Variants in RALGAPB observed in about 807,000 individuals in gnomAD.
The protein encoded by RALGAPB is Ral GTPase activating protein non-catalytic subunit beta, also known as ral GTPase-activating protein subunit beta.
Under a neutral mutation model 161.1 loss-of-function variants are expected in RALGAPB, and 25 were observed. The observed-to-expected ratio is 0.16, with a 90% CI of 0.11 to 0.22. The LOEUF (loss-of-function observed/expected upper bound fraction) is 0.22, where lower values mean the gene tolerates loss of function less well. Ranked by LOEUF, RALGAPB falls within the 10% of genes least tolerant of loss-of-function variation. The pLI is 1.00. For synonymous variants in RALGAPB, 629 were observed against 626.1 expected (o/e 1.00, Z -0.07); for missense variants, 1,391 against 1,815.2 (o/e 0.77, Z 4.25).
chr20:38,509,844 A>G (rs1301098312), intron 6 of RALGAPB, among the ~76,000 whole-genome samples: 3 of 151,670 alleles, frequency 2.0e-5, no homozygotes, highest in African/African-American at 7.3e-5. Flanking sequence ...TAATTTTTCT[A>G]TTTTGTGTAT....
At position 38,565,453 on chromosome 20, in the gene RALGAPB, G is replaced by C. The variant is rs760784590; in HGVS notation, c.3792G>C (p.Val1264=). 6.2e-7 allele frequency: 1 copy of C among 1,613,470 alleles called. No homozygotes were observed. The highest frequency in any genetic ancestry group is 8.5e-7 in the Non-Finnish European group (1 of 1,179,650). The change falls in exon 25 of 30, where the codon GTG becomes GTC. Residue 1264 remains valine (V), a synonymous_variant. Transcript: ENST00000262879. The part of the protein sequence containing the change: ...YADALTEIAF[V]VPSPVESLTD... ...ATGCCCTTACAGAAATTGCTTTTGT[G>C]GTTCCTTCTCCTGTGGAGTCCTTAA...
intron 1 of RALGAPB, among the ~76,000 whole-genome samples, chr20:38,481,896 A>G (rs1422496639): frequency 6.6e-6 from 1 of 152,234 alleles, no homozygotes; most frequent in Non-Finnish European, 1.5e-5. Context: ...TATGACATAA[A>G]GATGTAGTAA....
intron 4 of RALGAPB, among the ~76,000 whole-genome samples, chr20:38,498,069 C>CAAA (rs11481813): frequency 5.7e-5 from 7 of 123,814 alleles, no homozygotes; most frequent in Admixed American, 1.6e-4. Context: ...GACTCTGTCT[C>CAAA]AAAAAAAAAA....
intron 25 of RALGAPB, among the ~76,000 whole-genome samples, chr20:38,566,831 C>G (rs1440217802): frequency 3.3e-5 from 5 of 152,162 alleles, no homozygotes; most frequent in African/African-American, 1.2e-4. Context: ...GTGGCACAAG[C>G]CAAATGCCGC....
chr20:38,501,444 T>G (rs1002346555), intron 5 of RALGAPB, among the ~76,000 whole-genome samples: 16 of 152,060 alleles, frequency 1.1e-4, no homozygotes, highest in Non-Finnish European at 1.6e-4. Context: ...AAAGCCCATC[T>G]CTACAAAAAA....
At chr20:38,537,793 T>C (rs1347739409) in intron 16 of RALGAPB, 1 of 152,212 alleles carries the variant, frequency 6.6e-6, no homozygotes, top group African/African-American at 2.4e-5. Flanking sequence ...GGAAGTTTGA[T>C]AGCATCTTCA....
At chr20:38,515,476 A>G (rs1039599761) in intron 6 of RALGAPB, among the ~76,000 whole-genome samples, 3 of 152,196 alleles carry the variant, frequency 2.0e-5, no homozygotes, top group Non-Finnish European at 4.4e-5. Flanking sequence ...GTGAAAAATC[A>G]TAATCTGTTT....
At chr20:38,500,062 G>GT (rs2085533589) in intron 5 of RALGAPB, 1 of 152,058 alleles carries the variant, frequency 6.6e-6, no homozygotes, top group Admixed American at 6.6e-5. Flanking sequence ...AAAGTAGGCA[G>GT]TTTTTTTATA....
At chr20:38,513,585 G>C (rs1438660842) in intron 6 of RALGAPB, among the ~76,000 whole-genome samples, 1 of 151,042 alleles carries the variant, frequency 6.6e-6, no homozygotes, top group African/African-American at 2.4e-5. Context: ...GGGAGGCAGA[G>C]TTGCAGTGAG....
At chr20:38,555,543 A>C (rs1007518595) in intron 22 of RALGAPB, among the ~76,000 whole-genome samples, 5 of 152,236 alleles carry the variant, frequency 3.3e-5, no homozygotes, top group African/African-American at 1.2e-4. Context: ...ATCATTAGTG[A>C]TATTCCTAGT....
At chr20:38,531,927 CAGAT>C (rs975410432) in intron 14 of RALGAPB, among the ~76,000 whole-genome samples, 22 of 152,200 alleles carry the variant, frequency 1.4e-4, no homozygotes, top group Non-Finnish European at 3.1e-4. Context: ...GGAAGTCTAA[CAGAT>C]AGGTTTATTA....
At chr20:38,505,112 A>C (rs555079599) in intron 5 of RALGAPB, among the ~76,000 whole-genome samples, 2 of 152,356 alleles carry the variant, frequency 1.3e-5, no homozygotes, top group South Asian at 4.1e-4. Flanking sequence ...TGTTCTACCG[A>C]AAAGACACAT....
At chr20:38,570,362 A>G (rs1207090281) in intron 27 of RALGAPB, among the ~76,000 whole-genome samples, 1 of 152,188 alleles carries the variant, frequency 6.6e-6, no homozygotes, top group Non-Finnish European at 1.5e-5. Context: ...CACATGTCCT[A>G]CTGTCTCGTT....
Position 38,576,994 on chromosome 20 carries a change from C to G in RALGAPB, c.*2027C>G, listed in dbSNP as rs1405729054. 2 of 152,610 alleles carry G rather than the reference C, an allele frequency of 1.3e-5. No homozygotes were observed. Among genetic ancestry groups the G allele is most frequent in the Non-Finnish European group, 2.9e-5 (2 of 68,040 alleles). The allele number at this position is 152,610 out of a possible 1,614,324, so 9.5% of individuals were successfully genotyped here. ...CTGATCCTTCAGTTAGCTCTAAATT[C>G]TGGCAACTCCTTGTAATTCCAATGT... On this transcript the variant is annotated 3_prime_UTR_variant, in exon 30 of 30. Coordinates refer to ENST00000262879, the MANE Select transcript of RALGAPB (RefSeq NM_020336.4).
chr20:38,542,191 AAGG>A (rs1442239162), intron 18 of RALGAPB, among the ~76,000 whole-genome samples: 2 of 152,276 alleles, frequency 1.3e-5, no homozygotes, highest in East Asian at 3.9e-4. Flanking sequence ...TAAAAGCAGA[AAGG>A]AGGAGTGGCA....
At chr20:38,521,814 A>G in intron 10 of RALGAPB, 116 bp downstream of exon 10, 1 of 1,035,070 alleles carries the variant, frequency 9.7e-7, no homozygotes, top group South Asian at 1.6e-5. Flanking sequence ...GATGTCTGTA[A>G]GTGATCGACA....
Position 38,574,949 on chromosome 20 carries a change from C to A in RALGAPB, c.4467C>A (p.Leu1489=). The change falls in exon 30 of 30, where the codon CTC becomes CTA. Residue 1489 remains leucine, a synonymous_variant. Coordinates refer to ENST00000262879, the MANE Select transcript of RALGAPB (RefSeq NM_020336.4). ...FYTSLFQEVG[L]KNCSS ...CTTCACTTTTCCAGGAGGTTGGACT[C>A]AAGAACTGCAGTTCTTAGACCACTG... 2 of 1,612,032 alleles carry A rather than the reference C, an allele frequency of 1.2e-6. No homozygotes were observed. The highest frequency in any genetic ancestry group is 1.7e-6 in the Non-Finnish European group (2 of 1,178,066).
intron 25 of RALGAPB, among the ~76,000 whole-genome samples, chr20:38,566,694 T>C (rs1434784566): frequency 6.6e-6 from 1 of 152,240 alleles, no homozygotes; most frequent in East Asian, 1.9e-4. Context: ...CAATGCTACA[T>C]GATTGAATAT....
intron 29 of RALGAPB, 60 bp from the exon 30 acceptor site, chr20:38,574,713 AC>A (rs1445502541): frequency 6.7e-7 from 1 of 1,482,256 alleles, no homozygotes; most frequent in African/African-American, 1.4e-5. Context: ...CTGAATACTT[AC>A]AGTTCACCTA....
Sources: gnomAD v4.1 joint callset for allele counts (sites outside exome capture counted in the v4.1 genomes callset) on GRCh38, gnomAD v4.1.1 for gene constraint, MANE v1.5 for transcripts, NCBI Gene and HGNC (gene_info 2026-07-23, HGNC 2026-07-21) for gene names.